The following SIPA1L3 variants were observed in gnomAD, a reference collection of about 807,000 sequenced individuals.
The protein encoded by SIPA1L3 is signal induced proliferation associated 1 like 3.
A neutral mutation model predicts 150.1 loss-of-function variants in SIPA1L3; 59 were observed. The ratio of observed to expected loss-of-function variants is 0.39; its 90% CI spans 0.32 to 0.49. SIPA1L3 has a LOEUF of 0.49. Ranked by LOEUF, SIPA1L3 falls within the 20% of genes least tolerant of loss-of-function variation. The pLI is 0.86. For missense variants in SIPA1L3, 2,211 were observed against 2,489.5 expected (o/e 0.89, Z 2.38); for synonymous variants, 1,070 against 1,077.6 (o/e 0.99, Z 0.14).
chr19:38,118,032 C>CT (rs916708023), intron 8 of SIPA1L3, among the ~76,000 whole-genome samples: 6 of 152,148 alleles, frequency 3.9e-5, no homozygotes, highest in Non-Finnish European at 8.8e-5. Flanking sequence ...AATGAACTTC[C>CT]TTTATTAATT....
intron 1 of SIPA1L3, among the ~76,000 whole-genome samples, chr19:37,988,336 T>C (rs1283735161): frequency 6.6e-6 from 1 of 152,004 alleles, no homozygotes; most frequent in Non-Finnish European, 1.5e-5. Context: ...CTGGGCAACA[T>C]AGACCCTGTC....
chr19:38,140,097 G>A (rs1213870774), intron 10 of SIPA1L3, among the ~76,000 whole-genome samples: 3 of 147,568 alleles, frequency 2.0e-5, no homozygotes, highest in Non-Finnish European at 4.6e-5. Flanking sequence ...TTTGCTGGGT[G>A]GCCATGAACG....
chr19:37,923,043 A>G (rs1222619454), intron 1 of SIPA1L3, among the ~76,000 whole-genome samples: 2 of 151,776 alleles, frequency 1.3e-5, no homozygotes, highest in African/African-American at 2.4e-5. Flanking sequence ...AGGCTGAGAC[A>G]GGAGAATGGC....
chr19:37,925,305 T>C (rs992899334), intron 1 of SIPA1L3, among the ~76,000 whole-genome samples: 5 of 152,082 alleles, frequency 3.3e-5, no homozygotes, highest in Non-Finnish European at 5.9e-5. Context: ...ATGACTGCGT[T>C]AAGGTGGAGG....
At chr19:37,925,633 TGCCAG>T (rs1242223890) in intron 1 of SIPA1L3, among the ~76,000 whole-genome samples, 1 of 149,822 alleles carries the variant, frequency 6.7e-6, no homozygotes, top group Non-Finnish European at 1.5e-5. Flanking sequence ...CTCACTCTGT[TGCCAG>T]GCTGGAGTGC....
At chr19:38,106,432 T>C (rs748004055) in intron 6 of SIPA1L3, 105 bp from the exon 7 acceptor site, 2 of 797,868 alleles carry the variant, frequency 2.5e-6, no homozygotes, top group Non-Finnish European at 2.3e-6. Context: ...TAAGAGTAGA[T>C]TGAAGTGAAA....
Position 38,029,141 on chromosome 19 carries a change from C to T in SIPA1L3, c.-326C>T, listed in dbSNP as rs1968585266. ...TGGGACCCTCCAAGAGCACTAGTGT[C>T]TAGAAGGCACTAAGGGTGAGTAAGG... is the stretch of plus-strand genomic sequence containing the variant. On this transcript the variant is annotated 5_prime_UTR_variant, in exon 2 of 22. Transcript: ENST00000222345. 6.6e-6 allele frequency: 1 copy of T among 152,154 alleles called. No homozygotes were observed. The highest frequency in any genetic ancestry group is 1.5e-5 in the Non-Finnish European group (1 of 68,046). The allele number at this position is 152,154 out of a possible 1,614,324, so 9.4% of individuals were successfully genotyped here. A position where few individuals can be genotyped will look rare whatever the true frequency, so the allele number is the denominator to read the frequency against.
chr19:38,125,283 T>A (rs1402321540), intron 9 of SIPA1L3, among the ~76,000 whole-genome samples: 1 of 152,050 alleles, frequency 6.6e-6, no homozygotes, highest in Non-Finnish European at 1.5e-5. Flanking sequence ...TGATCCACCC[T>A]CCCTGGCCTC....
intron 1 of SIPA1L3, among the ~76,000 whole-genome samples, chr19:37,947,317 G>A (rs1412240240): frequency 1.3e-5 from 2 of 150,920 alleles, no homozygotes; most frequent in South Asian, 2.1e-4. Context: ...GTGAAACTTC[G>A]TCTCTACTAA....
At chr19:38,002,506 G>C (rs1039561557) in intron 1 of SIPA1L3, among the ~76,000 whole-genome samples, 6 of 151,686 alleles carry the variant, frequency 4.0e-5, no homozygotes. Context: ...AGTCTGAGGC[G>C]GGCGGATCAC....
chr19:37,974,094 T>G (rs914069894), intron 1 of SIPA1L3, among the ~76,000 whole-genome samples: 1 of 152,160 alleles, frequency 6.6e-6, no homozygotes, highest in African/African-American at 2.4e-5. Context: ...CTAACATTGG[T>G]AACAGCTGGA....
intron 20 of SIPA1L3, 110 bp downstream of exon 20, chr19:38,202,107 G>GA: frequency 1.8e-6 from 2 of 1,141,760 alleles, no homozygotes; most frequent in Non-Finnish European, 2.4e-6. Flanking sequence ...CACTCTCCGG[G>GA]CGGAAGCTGA....
intron 15 of SIPA1L3, among the ~76,000 whole-genome samples, chr19:38,166,763 C>G (rs935044649): frequency 6.6e-6 from 1 of 152,068 alleles, no homozygotes; most frequent in African/African-American, 2.4e-5. Context: ...GCCATCAGGG[C>G]TCAGAACCTG....
chr19:38,151,105 C>A (rs1295497977), intron 12 of SIPA1L3, among the ~76,000 whole-genome samples: 2 of 152,148 alleles, frequency 1.3e-5, no homozygotes, highest in Non-Finnish European at 2.9e-5. Context: ...AGCAACAGGG[C>A]AGCAGCAGCT....
At chr19:38,068,685 A>G (rs1210685635) in intron 2 of SIPA1L3, among the ~76,000 whole-genome samples, 1 of 151,970 alleles carries the variant, frequency 6.6e-6, no homozygotes, top group African/African-American at 2.4e-5. Flanking sequence ...CATCTCTACA[A>G]AAAAAAATTT....
chr19:37,950,325 C>T (rs1004150850), intron 1 of SIPA1L3, among the ~76,000 whole-genome samples: 1 of 152,102 alleles, frequency 6.6e-6, no homozygotes, highest in Non-Finnish European at 1.5e-5. Context: ...TCATCATCAT[C>T]GTTGTCATCC....
intron 1 of SIPA1L3, among the ~76,000 whole-genome samples, chr19:37,972,719 C>A (rs1041030797): frequency 1.3e-5 from 2 of 152,086 alleles, no homozygotes; most frequent in African/African-American, 4.8e-5. Context: ...AATAAACCAA[C>A]AAAACTGCAA....
In SIPA1L3 at chr19:38,101,043, C is replaced by T. The variant is rs767112850; in HGVS notation, c.1855-9C>T. 2.6e-6 allele frequency: 4 copies of T among 1,538,224 alleles called. No homozygotes were observed. Among genetic ancestry groups the T allele is most frequent in the South Asian group, 1.3e-5 (1 of 79,552 alleles). ...GCCTGCCTCCACAAAGCCACTCTTG[C>T]CTCTGCAGCTCTGCCGGAAGCACAA... On this transcript the variant is annotated splice_polypyrimidine_tract_variant and intron_variant, in intron 5 of 21. Coordinates refer to ENST00000222345, the MANE Select transcript of SIPA1L3 (RefSeq NM_015073.3).
intron 10 of SIPA1L3, among the ~76,000 whole-genome samples, chr19:38,132,064 G>A (rs185412272): frequency 8.6e-5 from 13 of 151,630 alleles, no homozygotes; most frequent in Admixed American, 2.0e-4. Context: ...GTGAGACCCC[G>A]TCTCTGCATC....
Sources: allele counts gnomAD v4.1 joint callset (sites outside exome capture counted in the v4.1 genomes callset), GRCh38; gene constraint gnomAD v4.1.1; transcripts MANE v1.5; gene names NCBI Gene and HGNC (gene_info 2026-07-23, HGNC 2026-07-21).